The following UBE3C variants were observed in gnomAD, a reference collection of about 807,000 sequenced individuals.
UBE3C encodes the protein ubiquitin-protein ligase E3C.
UBE3C carries 42 observed loss-of-function variants against 129.4 expected under a neutral mutation model. The ratio of observed to expected loss-of-function variants is 0.32; its 90% CI spans 0.25 to 0.42. The LOEUF (loss-of-function observed/expected upper bound fraction) is 0.42, where lower values mean the gene tolerates loss of function less well. Among genes scored for constraint, UBE3C ranks in the 10% least tolerant of loss-of-function variants. The probability of loss-of-function intolerance (pLI) is 1.00; values close to 1 mark genes in which losing one functional copy is unlikely to be tolerated. For synonymous variants in UBE3C, 510 were observed against 492.4 expected (o/e 1.04, Z -0.47); for missense variants, 1,049 against 1,319.1 (o/e 0.80, Z 3.17).
At chr7:157,152,046 A>C (rs555967287) in intron 1 of UBE3C, among the ~76,000 whole-genome samples, 2 of 152,318 alleles carry the variant, frequency 1.3e-5, no homozygotes, top group African/African-American at 4.8e-5. Context: ...AGGACTATTT[A>C]CATATTAACA....
chr7:157,173,810 G>T (rs992617798), intron 4 of UBE3C, among the ~76,000 whole-genome samples: 1 of 152,192 alleles, frequency 6.6e-6, no homozygotes, highest in African/African-American at 2.4e-5. Flanking sequence ...ATTCATTCCT[G>T]AGAAAATGTG....
intron 21 of UBE3C, among the ~76,000 whole-genome samples, chr7:157,256,257 C>A (rs1171317525): frequency 6.6e-6 from 1 of 152,300 alleles, no homozygotes; most frequent in East Asian, 1.9e-4. Context: ...ATTCTCCCAC[C>A]TCAGCCTCCC....
chr7:157,211,087 T>TA (rs574922582), intron 13 of UBE3C, among the ~76,000 whole-genome samples: 94 of 151,702 alleles, frequency 6.2e-4, no homozygotes, highest in African/African-American at 2.2e-3. Flanking sequence ...TAACAGGAGT[T>TA]TCCTCCTGTG....
At chr7:157,175,768 C>T (rs1028651490) in intron 5 of UBE3C, among the ~76,000 whole-genome samples, 1 of 152,098 alleles carries the variant, frequency 6.6e-6, no homozygotes, top group Non-Finnish European at 1.5e-5. Context: ...CCAAGAGGAT[C>T]CTAGATGCCA....
intron 22 of UBE3C, among the ~76,000 whole-genome samples, chr7:157,260,755 A>C (rs897186685): frequency 2.0e-5 from 3 of 152,232 alleles, no homozygotes; most frequent in African/African-American, 4.8e-5. Flanking sequence ...GAAGATGCAG[A>C]GACTTTTGTC....
chr7:157,223,004 G>C (rs931186455), intron 15 of UBE3C: 1 of 394,402 alleles, frequency 2.5e-6, no homozygotes, highest in Admixed American at 4.0e-5. Flanking sequence ...TAGACAGCTG[G>C]AGTGGAAGTG....
chr7:157,187,257 T>A (rs1412295158), intron 10 of UBE3C, among the ~76,000 whole-genome samples: 1 of 152,186 alleles, frequency 6.6e-6, no homozygotes, highest in Non-Finnish European at 1.5e-5. Context: ...TGTAATATTT[T>A]CTGTAGTACC....
At chr7:157,215,375 G>A (rs1207056925) in intron 13 of UBE3C, among the ~76,000 whole-genome samples, 1 of 151,442 alleles carries the variant, frequency 6.6e-6, no homozygotes, top group Non-Finnish European at 1.5e-5. Flanking sequence ...GTATGTAAAT[G>A]CTAAATTATG....
chr7:157,198,260 T>C, intron 10 of UBE3C: 1 of 1,167,088 alleles, frequency 8.6e-7, no homozygotes, highest in South Asian at 1.2e-5. Flanking sequence ...TAAATGACAT[T>C]GAGGTGGTGT....
At chr7:157,240,878 G>A (rs1220338625) in intron 18 of UBE3C, among the ~76,000 whole-genome samples, 1 of 152,190 alleles carries the variant, frequency 6.6e-6, no homozygotes, top group Admixed American at 6.5e-5. Flanking sequence ...CAGGATGGTA[G>A]AATGACAGTC....
chr7:157,169,056 G>A lies in UBE3C; in HGVS notation c.129G>A (p.Arg43=), dbSNP rs773470219. The A allele has an allele frequency of 1.9e-6, 3 of 1,613,642 alleles. No individual in the cohort carries two copies. The highest frequency in any genetic ancestry group is 2.2e-5 in the East Asian group (1 of 44,820). The change falls in exon 3 of 23, where the codon AGG becomes AGA. Residue 43 remains arginine, a synonymous_variant. Coordinates refer to ENST00000348165, the MANE Select transcript of UBE3C (RefSeq NM_014671.3). Reference sequence around the variant, plus strand: ...CTCCTTTTATTGTTTAGGAAGAAAGGCGAAGGTTGAAAAATGCAATAATTA... The same window carrying A: ...CTCCTTTTATTGTTTAGGAAGAAAGACGAAGGTTGAAAAATGCAATAATTA... The part of the protein sequence containing the change: ...QEERRKREEE[R]RRLKNAIIIQ...
intron 10 of UBE3C, chr7:157,197,591 G>A (rs982011823): frequency 6.3e-7 from 1 of 1,585,210 alleles, no homozygotes; most frequent in African/African-American, 1.3e-5. Flanking sequence ...TGCATGGATA[G>A]GAACAATATT....
chr7:157,186,278 G>T (rs566616734), intron 9 of UBE3C, among the ~76,000 whole-genome samples: 1 of 152,030 alleles, frequency 6.6e-6, no homozygotes, highest in Non-Finnish European at 1.5e-5. Context: ...ACAAAAATTA[G>T]CTGGGTGTGG....
intron 1 of UBE3C, among the ~76,000 whole-genome samples, chr7:157,158,443 G>A (rs947882218): frequency 6.6e-6 from 1 of 152,166 alleles, no homozygotes; most frequent in African/African-American, 2.4e-5. Flanking sequence ...GACCGGTGTA[G>A]AGAACACTGC....
intron 13 of UBE3C, among the ~76,000 whole-genome samples, chr7:157,210,239 A>G (rs986380972): frequency 6.6e-6 from 1 of 152,138 alleles, no homozygotes; most frequent in Non-Finnish European, 1.5e-5. Flanking sequence ...TTAGGTTTGA[A>G]ATCAAGTTGT....
chr7:157,226,755 T>C (rs576427518), intron 17 of UBE3C, among the ~76,000 whole-genome samples: 1 of 152,176 alleles, frequency 6.6e-6, no homozygotes, highest in East Asian at 1.9e-4. Context: ...CCGTTGCCAT[T>C]GAATCCTTGC....
At chr7:157,236,836 A>T (rs1796165486) in intron 18 of UBE3C, among the ~76,000 whole-genome samples, 2 of 151,670 alleles carry the variant, frequency 1.3e-5, no homozygotes, top group African/African-American at 4.8e-5. Flanking sequence ...GGTTCAAGCG[A>T]TTCTCCTGCC....
chr7:157,267,799 T>G lies in UBE3C; in HGVS notation c.*44T>G, dbSNP rs777290907. 3 of 1,507,608 alleles carry G rather than the reference T, an allele frequency of 2.0e-6. No individual in the cohort carries two copies. The African/African-American group carries it at 4.3e-5, about 21-fold the overall frequency. The allele number at this position is 1,507,608 out of a possible 1,614,324, so 93.4% of individuals were successfully genotyped here. ...ACCCCTACAGAGAACCAGTGCTTCC[T>G]TCGTCAGCAGCGCCTCCCCAGACCC... is the stretch of plus-strand genomic sequence containing the variant. On this transcript the variant is annotated 3_prime_UTR_variant, in exon 23 of 23. Coordinates refer to ENST00000348165, the MANE Select transcript of UBE3C (RefSeq NM_014671.3).
intron 16 of UBE3C, among the ~76,000 whole-genome samples, chr7:157,224,396 G>A (rs550520383): frequency 1.3e-5 from 2 of 151,912 alleles, no homozygotes; most frequent in South Asian, 2.1e-4. Context: ...GGGTTTCGCC[G>A]TGTTAGCCAG....
Sources: allele counts gnomAD v4.1 joint callset (sites outside exome capture counted in the v4.1 genomes callset), GRCh38; gene constraint gnomAD v4.1.1; transcripts MANE v1.5; gene names NCBI Gene and HGNC (gene_info 2026-07-23, HGNC 2026-07-21).